The following FZD3 variants were observed in gnomAD, a reference collection of about 807,000 sequenced individuals.
FZD3 encodes frizzled-3.
A neutral mutation model predicts 60.7 loss-of-function variants in FZD3; 30 were observed. The observed-to-expected ratio is 0.49, with a 90% CI of 0.37 to 0.67. The LOEUF (loss-of-function observed/expected upper bound fraction) is 0.67, where lower values mean the gene tolerates loss of function less well. FZD3 is among the 30% of genes least tolerant of loss of function. The pLI is 0.00. For synonymous variants in FZD3, 246 were observed against 275.2 expected, an observed-to-expected ratio of 0.89 and a Z score of 1.05; for missense variants, 605 against 838.7, an observed-to-expected ratio of 0.72 and a Z score of 3.44.
At position 28,503,053 on chromosome 8, in the gene FZD3, A is replaced by G; in HGVS notation, c.40A>G (p.Thr14Ala). The G allele has an allele frequency of 6.2e-7, 1 of 1,613,446 alleles. No homozygotes were observed. The highest frequency in any genetic ancestry group is 8.5e-7 in the Non-Finnish European group (1 of 1,179,546). The change falls in exon 3 of 8, where the codon ACT (threonine) becomes GCT (alanine). Residue 14 changes from threonine to alanine, a missense_variant. By Grantham distance (58) the Thr-to-Ala change is moderately conservative (BLOSUM62 0). Coordinates refer to ENST00000240093, the MANE Select transcript of FZD3 (RefSeq NM_017412.4). ...TWIVFSLWPL[T>A]VFMGHIGGHS... ...GATTGTCTTCTCTCTTTGGCCCTTGACTGTGTTCATGGGGCATATAGGTGG... is the reference window on the plus strand; with the variant it reads ...GATTGTCTTCTCTCTTTGGCCCTTGGCTGTGTTCATGGGGCATATAGGTGG...
intron 5 of FZD3, among the ~76,000 whole-genome samples, chr8:28,541,903 C>G (rs1805176956): frequency 6.6e-6 from 1 of 152,174 alleles, no homozygotes; most frequent in Admixed American, 6.5e-5. Flanking sequence ...GTACCTCCAC[C>G]TCTACCTTAG....
At chr8:28,530,515 A>G (rs969133562) in intron 5 of FZD3, 4 of 152,170 alleles carry the variant, frequency 2.6e-5, no homozygotes, top group Non-Finnish European at 5.9e-5. Flanking sequence ...TGGCTACTAC[A>G]TAATAAGTGC....
chr8:28,551,797 C>T lies in FZD3; in HGVS notation c.1553+46C>T, dbSNP rs373961186. ...ACAGTGTTCACAAACCTCACATTTA[C>T]GTAAATTTTTTTGTGTTGCTTATGT... On this transcript the variant is annotated intron_variant, in intron 6 of 7. Transcript: ENST00000240093. The T allele has an allele frequency of 2.2e-5, 33 of 1,500,662 alleles. No individual in the cohort carries two copies. The African/African-American group carries it at 3.0e-4, about 14-fold the overall frequency. The allele number at this position is 1,500,662 out of a possible 1,614,324, so 93.0% of individuals were successfully genotyped here.
chr8:28,513,064 A>G (rs955518532), intron 3 of FZD3, among the ~76,000 whole-genome samples: 4 of 152,304 alleles, frequency 2.6e-5, no homozygotes, highest in African/African-American at 9.6e-5. Flanking sequence ...TGGCCTAAGA[A>G]GCCTGGTGTG....
chr8:28,527,183 G>A lies in FZD3; in HGVS notation c.423G>A (p.Val141=). 2.5e-6 allele frequency: 4 copies of A among 1,613,086 alleles called. No individual in the cohort carries two copies. Among genetic ancestry groups the A allele is most frequent in the Non-Finnish European group, 3.4e-6 (4 of 1,179,658 alleles). Residue 141 remains valine, a synonymous_variant, in exon 5 of 8, where the codon GTG becomes GTA. Transcript: ENST00000240093. The surrounding 1 kb of genome is among the most constrained non-coding windows in gnomAD (Gnocchi z 5.0). ...PDCDEPYPRL[V]DLNLAGEPTE... is the part of the protein sequence containing the mutation. ...GTGATGAGCCATATCCTCGACTTGT[G>A]GATCTGAATTTAGCTGGAGAACCAA... is the stretch of plus-strand genomic sequence containing the variant.
intron 3 of FZD3, among the ~76,000 whole-genome samples, chr8:28,511,770 T>C (rs1187441403): frequency 1.3e-5 from 2 of 152,206 alleles, no homozygotes; most frequent in Admixed American, 1.3e-4. Context: ...TGTACCTCTA[T>C]TTTTGTGTGT....
At position 28,494,302 on chromosome 8, in the gene FZD3, T is replaced by G. The variant is rs1803773079; in HGVS notation, c.-432T>G. 1 of 44,692 alleles carries G rather than the reference T, an allele frequency of 2.2e-5. No individual in the cohort carries two copies. The allele number at this position is 44,692 out of a possible 1,614,324, so 2.8% of individuals were successfully genotyped here. ...ACGCGCGGCCGCCCGCGGCAGGCGG[T>G]GCAGCCCCCCCACCCCTTGGAGCCA... On this transcript the variant is annotated 5_prime_UTR_variant, in exon 1 of 8. Transcript: ENST00000240093.
At chr8:28,550,308 A>C (rs1005484055) in intron 5 of FZD3, among the ~76,000 whole-genome samples, 2 of 151,118 alleles carry the variant, frequency 1.3e-5, no homozygotes, top group Admixed American at 1.3e-4. Context: ...TCTTTTTAAG[A>C]TTCTTTAATT....
At chr8:28,511,479 A>T (rs7004107) in intron 3 of FZD3, among the ~76,000 whole-genome samples, 78,932 of 151,900 alleles carry the variant, frequency 0.52, 21,254 homozygotes, top group South Asian at 0.63. Context: ...ATGGAGTGAG[A>T]CTCCATCTCA....
chr8:28,497,319 A>G (rs1182862788), intron 1 of FZD3, among the ~76,000 whole-genome samples: 6 of 152,234 alleles, frequency 3.9e-5, no homozygotes, highest in Non-Finnish European at 7.3e-5. Flanking sequence ...TGAATTAAAT[A>G]TGAAGCTATA....
At chr8:28,525,199 G>A (rs1231723831) in intron 4 of FZD3, among the ~76,000 whole-genome samples, 1 of 152,160 alleles carries the variant, frequency 6.6e-6, no homozygotes, top group Non-Finnish European at 1.5e-5. Flanking sequence ...TGGTGTGCTA[G>A]GCACTATTCT....
chr8:28,543,100 G>A (rs1014119438), intron 5 of FZD3, among the ~76,000 whole-genome samples: 6 of 152,132 alleles, frequency 3.9e-5, no homozygotes, highest in South Asian at 2.1e-4. Context: ...CTTATGTCAC[G>A]TTGCTCAGGC....
chr8:28,545,941 AT>A (rs1158580333), intron 5 of FZD3, among the ~76,000 whole-genome samples: 1 of 152,154 alleles, frequency 6.6e-6, no homozygotes, highest in Non-Finnish European at 1.5e-5. Flanking sequence ...CTGTATTTTT[AT>A]TTTACCCTTT....
At chr8:28,556,011 A>G (rs987407152) in intron 7 of FZD3, 40 bp downstream of exon 7, 1 of 1,262,652 alleles carries the variant, frequency 7.9e-7, no homozygotes, top group African/African-American at 1.5e-5. Context: ...CATAAGCTGA[A>G]TTATGACCAT....
At chr8:28,543,590 A>G (rs1805224660) in intron 5 of FZD3, among the ~76,000 whole-genome samples, 1 of 152,156 alleles carries the variant, frequency 6.6e-6, no homozygotes. Context: ...CATGTTGGCC[A>G]GGCTGATCTC....
rs562417120 is a variant in FZD3, at chr8:28,494,230, T to A, written c.-504T>A. 1 of 151,752 alleles carries A rather than the reference T, an allele frequency of 6.6e-6. No homozygotes were observed. Among genetic ancestry groups the A allele is most frequent in the South Asian group, 2.1e-4 (1 of 4,824 alleles). The allele number at this position is 151,752 out of a possible 1,614,324, so 9.4% of individuals were successfully genotyped here. ...GGTGCTCGCGAAAGCTCGCTGTCGC[T>A]GGGAGGCGCGCGCCGGCGTTCCTCG... On this transcript the variant is annotated 5_prime_UTR_variant, in exon 1 of 8. Coordinates refer to ENST00000240093, the MANE Select transcript of FZD3 (RefSeq NM_017412.4).
chr8:28,494,680 G>C (rs996188570), intron 1 of FZD3, among the ~76,000 whole-genome samples: 3 of 152,036 alleles, frequency 2.0e-5, no homozygotes, highest in African/African-American at 7.2e-5. Context: ...TGTCCGCCCT[G>C]AGCCCGCGGC....
At chr8:28,514,114 T>C (rs1200652430) in intron 3 of FZD3, among the ~76,000 whole-genome samples, 1 of 152,220 alleles carries the variant, frequency 6.6e-6, no homozygotes, top group Non-Finnish European at 1.5e-5. Context: ...TCCTATACCC[T>C]GGTCTTGATT....
chr8:28,532,784 A>C (rs774614576), intron 5 of FZD3, among the ~76,000 whole-genome samples: 1 of 152,070 alleles, frequency 6.6e-6, no homozygotes, highest in Non-Finnish European at 1.5e-5. Context: ...TTGTGTATGG[A>C]TTCTCTTAGA....
Sources: allele counts gnomAD v4.1 joint callset (sites outside exome capture counted in the v4.1 genomes callset), GRCh38; gene constraint gnomAD v4.1.1; non-coding constraint Gnocchi (gnomAD v3.1); transcripts MANE v1.5; gene names NCBI Gene and HGNC (gene_info 2026-07-23, HGNC 2026-07-21).